Variants in RAP1GAP2 observed in about 807,000 individuals in gnomAD.
The protein encoded by RAP1GAP2 is rap1 GTPase-activating protein 2.
Under a neutral mutation model 95.0 loss-of-function variants are expected in RAP1GAP2, and 27 were observed. The ratio of observed to expected loss-of-function variants is 0.28; its 90% CI spans 0.21 to 0.39. The LOEUF (loss-of-function observed/expected upper bound fraction) is 0.39, where lower values mean the gene tolerates loss of function less well. RAP1GAP2 is among the 10% of genes least tolerant of loss of function. The probability of loss-of-function intolerance (pLI) is 1.00; values close to 1 mark genes in which losing one functional copy is unlikely to be tolerated. For missense variants in RAP1GAP2, 771 were observed against 970.0 expected (o/e 0.79, Z 2.72); for synonymous variants, 373 against 380.9 (o/e 0.98, Z 0.24).
rs140692851 is a variant in RAP1GAP2 at position 2,937,299 on chromosome 17, C to T, written c.166-20460C>T. On this transcript the variant is annotated intron_variant, in intron 3 of 24. Coordinates refer to ENST00000254695, the MANE Select transcript of RAP1GAP2 (RefSeq NM_015085.5). ...TTCTCCATCTCTCTTCTTCCTTGCT[C>T]CTTCTGAATGCCTTCCTGCAAAGAG... Among the ~76,000 whole-genome samples the T allele has an allele frequency of 7.9e-5, 12 of 152,314 alleles. No individual in the cohort carries two copies. In the East Asian group the frequency reaches 2.3e-3, roughly 29 times the overall value.
At chr17:2,990,845 CTTTT>C (rs34075979) in intron 11 of RAP1GAP2, among the ~76,000 whole-genome samples, 3 of 128,762 alleles carry the variant, frequency 2.3e-5, no homozygotes, top group Non-Finnish European at 1.6e-5. Flanking sequence ...GTTCTTTATT[CTTTT>C]TTTTTTTTTT....
intron 2 of RAP1GAP2, among the ~76,000 whole-genome samples, chr17:2,802,261 G>A (rs1300129043): frequency 1.3e-5 from 2 of 152,140 alleles, no homozygotes; most frequent in Admixed American, 6.6e-5. Context: ...GGCAAAGTAC[G>A]GCCAGTCTTG....
chr17:2,784,020 T>C (rs1043178879), intron 1 of RAP1GAP2, among the ~76,000 whole-genome samples: 1 of 152,330 alleles, frequency 6.6e-6, no homozygotes, highest in East Asian at 1.9e-4. Flanking sequence ...TTGCCCAGGG[T>C]GGAATGCAGT....
intron 2 of RAP1GAP2, among the ~76,000 whole-genome samples, chr17:2,824,795 C>T (rs566862675): frequency 4.9e-4 from 72 of 147,200 alleles, no homozygotes; most frequent in Non-Finnish European, 7.8e-4. Flanking sequence ...ATTCTGTTGA[C>T]TAAGTAGAAG....
intron 2 of RAP1GAP2, among the ~76,000 whole-genome samples, chr17:2,892,512 C>A (rs1167427727): frequency 6.6e-6 from 1 of 152,098 alleles, no homozygotes; most frequent in Non-Finnish European, 1.5e-5. Flanking sequence ...TGTCCGGGAG[C>A]TGGGCTGTGT....
chr17:2,756,586 AG>A (rs1292510977), intron 1 of RAP1GAP2, among the ~76,000 whole-genome samples: 2 of 152,184 alleles, frequency 1.3e-5, no homozygotes, highest in Non-Finnish European at 2.9e-5. Flanking sequence ...CGGACCTCGG[AG>A]GACTCCAAGA....
chr17:2,876,929 G>T (rs2073121418), intron 2 of RAP1GAP2, among the ~76,000 whole-genome samples: 1 of 134,206 alleles, frequency 7.5e-6, no homozygotes, highest in Non-Finnish European at 1.6e-5. Context: ...TTGCTCTGTT[G>T]CCAGGCTGGA....
At chr17:2,854,308 G>T (rs1473569941) in intron 2 of RAP1GAP2, among the ~76,000 whole-genome samples, 1 of 152,226 alleles carries the variant, frequency 6.6e-6, no homozygotes, top group Non-Finnish European at 1.5e-5. Flanking sequence ...GGCGGAATCG[G>T]AGGGCCGCTG....
intron 24 of RAP1GAP2, among the ~76,000 whole-genome samples, chr17:3,032,731 C>T (rs1314488595): frequency 2.7e-5 from 4 of 146,162 alleles, no homozygotes; most frequent in African/African-American, 4.9e-5. Context: ...GAAGGGGAGT[C>T]GCCCAAGCCC....
At chr17:2,927,310 C>T (rs186505208) in intron 3 of RAP1GAP2, among the ~76,000 whole-genome samples, 3,422 of 152,058 alleles carry the variant, frequency 0.023, 48 homozygotes, top group South Asian at 0.03. Flanking sequence ...CCCGCCACCG[C>T]GCCCGGCTAA....
intron 3 of RAP1GAP2, 84 bp from the exon 4 acceptor site, chr17:2,957,675 C>T: frequency 1.4e-6 from 2 of 1,432,880 alleles, no homozygotes. Context: ...GGCTCAGCTT[C>T]CTGATAGTTG....
intron 2 of RAP1GAP2, among the ~76,000 whole-genome samples, chr17:2,863,827 C>T (rs1386623141): frequency 6.6e-6 from 1 of 152,130 alleles, no homozygotes; most frequent in African/African-American, 2.4e-5. Context: ...GAGGCCAAGG[C>T]AGGCGGATCA....
intron 2 of RAP1GAP2, among the ~76,000 whole-genome samples, chr17:2,804,155 A>G: frequency 6.6e-6 from 1 of 151,874 alleles, no homozygotes; most frequent in East Asian, 1.9e-4. Flanking sequence ...TGTAGCGGAT[A>G]CTCCTGGGCT....
At chr17:3,006,400 G>T (rs2046335867) in intron 16 of RAP1GAP2, among the ~76,000 whole-genome samples, 1 of 149,706 alleles carries the variant, frequency 6.7e-6, no homozygotes, top group Admixed American at 6.7e-5. Context: ...AAAGTGCCGG[G>T]ATTACAGGCG....
intron 3 of RAP1GAP2, among the ~76,000 whole-genome samples, chr17:2,907,348 G>C (rs565104010): frequency 6.6e-6 from 1 of 152,200 alleles, no homozygotes; most frequent in Non-Finnish European, 1.5e-5. Flanking sequence ...ACAGCTTTCC[G>C]CCACATGTGC....
intron 2 of RAP1GAP2, among the ~76,000 whole-genome samples, chr17:2,834,536 C>CCTGT (rs1435556131): frequency 1.3e-5 from 2 of 152,188 alleles, no homozygotes; most frequent in African/African-American, 4.8e-5. Flanking sequence ...GTATCTCACA[C>CCTGT]CTGTAATCCC....
chr17:2,873,582 G>A (rs956680221), intron 2 of RAP1GAP2, among the ~76,000 whole-genome samples: 1 of 146,676 alleles, frequency 6.8e-6, no homozygotes, highest in Non-Finnish European at 1.5e-5. Context: ...TTGGGACAAG[G>A]ATAAGACAAA....
chr17:2,907,025 C>T (rs147226230), intron 3 of RAP1GAP2, among the ~76,000 whole-genome samples: 84 of 152,228 alleles, frequency 5.5e-4, no homozygotes, highest in Non-Finnish European at 7.3e-4. Context: ...TGTCAAGCTG[C>T]CTTTGTGGCA....
At chr17:2,954,180 C>T (rs1327741892) in intron 3 of RAP1GAP2, among the ~76,000 whole-genome samples, 1 of 152,200 alleles carries the variant, frequency 6.6e-6, no homozygotes, top group Non-Finnish European at 1.5e-5. Context: ...TCTTGGCTCA[C>T]TGCAGGCTCC....
Sources: gnomAD v4.1 joint callset for allele counts (sites outside exome capture counted in the v4.1 genomes callset) on GRCh38, gnomAD v4.1.1 for gene constraint, MANE v1.5 for transcripts, NCBI Gene and HGNC (gene_info 2026-07-23, HGNC 2026-07-21) for gene names.